CRB1: variants seen among roughly 807,000 people sequenced by gnomAD.
The protein encoded by CRB1 is crumbs cell polarity complex component 1.
In CRB1, 83 loss-of-function variants were observed where a neutral mutation model predicts 120.0. The observed-to-expected ratio is 0.69, with a 90% CI of 0.58 to 0.83. CRB1 has a LOEUF of 0.83. CRB1 is among the 40% of genes least tolerant of loss of function. The pLI is 0.00. For synonymous variants in CRB1, 625 were observed against 612.5 expected, an observed-to-expected ratio of 1.02 and a Z score of -0.30; for missense variants, 1,699 against 1,687.6, an observed-to-expected ratio of 1.01 and a Z score of -0.12.
At chr1:197,311,697 TAGTGTGTG>T (rs1657530523) in intron 1 of CRB1, among the ~76,000 whole-genome samples, 1 of 96,484 alleles carries the variant, frequency 1.0e-5, no homozygotes, top group Admixed American at 1.2e-4. Flanking sequence ...CTCATATAGT[TAGTGTGTG>T]TGTGTGTGTG....
chr1:197,371,715 T>G (rs894131930), intron 5 of CRB1, among the ~76,000 whole-genome samples: 19 of 152,144 alleles, frequency 1.2e-4, no homozygotes, highest in Non-Finnish European at 2.4e-4. Flanking sequence ...CCCACAGGGT[T>G]GGTACTACAT....
At chr1:197,446,890 A>G (rs1423209373) in intron 11 of CRB1, among the ~76,000 whole-genome samples, 2 of 152,208 alleles carry the variant, frequency 1.3e-5, no homozygotes, top group Non-Finnish European at 2.9e-5. Context: ...GTTATTAATC[A>G]GTGTGCATAT....
chr1:197,393,729 C>A (rs1316148255), intron 5 of CRB1, among the ~76,000 whole-genome samples: 2 of 152,112 alleles, frequency 1.3e-5, no homozygotes, highest in Admixed American at 6.6e-5. Flanking sequence ...TCATAGCCCA[C>A]TATAACCTCT....
the CRB1 span, among the ~76,000 whole-genome samples, chr1:197,214,404 CCTT>C: frequency 2.0e-5 from 3 of 152,112 alleles, no homozygotes; most frequent in African/African-American, 4.8e-5. Flanking sequence ...AGATGCAAAA[CCTT>C]CTTATATGAA....
At chr1:197,367,402 T>C (rs1485861664) in intron 5 of CRB1, among the ~76,000 whole-genome samples, 1 of 152,214 alleles carries the variant, frequency 6.6e-6, no homozygotes, top group African/African-American at 2.4e-5. Flanking sequence ...GAGGAACTTT[T>C]GTGCTGTTTA....
intron 5 of CRB1, among the ~76,000 whole-genome samples, chr1:197,384,187 C>T (rs1283042099): frequency 6.6e-6 from 1 of 152,160 alleles, no homozygotes; most frequent in Non-Finnish European, 1.5e-5. Context: ...TAAGGTATCA[C>T]CATTCTCATC....
upstream of CRB1, chr1:197,268,234 A>T: frequency 1.6e-6 from 1 of 615,588 alleles, no homozygotes; most frequent in Non-Finnish European, 3.0e-6. Context: ...AAGAAGCACA[A>T]ACTGCATTTT....
At chr1:197,246,464 T>C in the CRB1 span, among the ~76,000 whole-genome samples, 4 of 151,986 alleles carry the variant, frequency 2.6e-5, no homozygotes, top group African/African-American at 9.7e-5. Flanking sequence ...CCAAGGAGCT[T>C]ACCACCATGT....
At chr1:197,462,238 A>G (rs1176488784) in intron 11 of CRB1, among the ~76,000 whole-genome samples, 1 of 152,164 alleles carries the variant, frequency 6.6e-6, no homozygotes, top group Non-Finnish European at 1.5e-5. Flanking sequence ...GGATGACTGT[A>G]TTACCATCCT....
At chr1:197,307,342 A>G (rs1186604397) in intron 1 of CRB1, among the ~76,000 whole-genome samples, 1 of 152,200 alleles carries the variant, frequency 6.6e-6, no homozygotes, top group African/African-American at 2.4e-5. Context: ...GCTTGTTTGG[A>G]CAGGATTAAA....
In CRB1 at chr1:197,461,677, G is replaced by T. The variant is rs561543046; in HGVS notation, c.4006-15987G>T. Among the ~76,000 whole-genome samples the T allele has an allele frequency of 2.6e-5, 4 of 152,224 alleles. No individual in the cohort carries two copies. The East Asian group carries it at 7.7e-4, about 29-fold the overall frequency. On this transcript the variant is annotated intron_variant, in intron 11 of 11. Coordinates refer to ENST00000367400, the MANE Select transcript of CRB1 (RefSeq NM_201253.3). ...ATTGATCAGACATTGCAATTCACAA[G>T]CTCCTATTACATTCTCTTGGTTAAA... is the stretch of plus-strand genomic sequence containing the variant.
chr1:197,427,716 T>C lies in CRB1; in HGVS notation c.2391T>C (p.Ser797=), dbSNP rs749788926. The change falls in exon 7 of 12, where the codon TCT becomes TCC. Residue 797 remains serine (S), a synonymous_variant. Coordinates refer to ENST00000367400, the MANE Select transcript of CRB1 (RefSeq NM_201253.3). ...ATGATGGAAATGTCCACTTGATATCTTTGAAAATCAAGCCATATAAAATTG... is the reference window on the plus strand; with the variant it reads ...ATGATGGAAATGTCCACTTGATATCCTTGAAAATCAAGCCATATAAAATTG... ...VLNDGNVHLI[S]LKIKPYKIEL... is the part of the protein sequence containing the mutation. 3 of 1,613,806 alleles carry C rather than the reference T, an allele frequency of 1.9e-6. No individual in the cohort carries two copies. In the African/African-American group the frequency reaches 4.0e-5, roughly 22 times the overall value.
Position 197,294,763 on chromosome 1 carries a change from G to T in CRB1, c.70+26281G>T, listed in dbSNP as rs200363073. Among the ~76,000 whole-genome samples the T allele has an allele frequency of 3.3e-5, 5 of 152,260 alleles. No individual in the cohort carries two copies. In the East Asian group the frequency reaches 7.7e-4, roughly 24 times the overall value. ...GAATTCATGTCCTTTGTAGGGACAT[G>T]GATGAAGCTGGAAACTATCATTCTC... On this transcript the variant is annotated intron_variant, in intron 1 of 11. Transcript: ENST00000367400.
At chr1:197,389,778 C>A (rs1053542295) in intron 5 of CRB1, among the ~76,000 whole-genome samples, 2 of 152,024 alleles carry the variant, frequency 1.3e-5, no homozygotes, top group Non-Finnish European at 1.5e-5. Context: ...TCTCAGAGGT[C>A]TAGGTGGCAT....
intron 4 of CRB1, among the ~76,000 whole-genome samples, chr1:197,350,450 G>T (rs1487908002): frequency 1.3e-5 from 2 of 152,234 alleles, no homozygotes; most frequent in African/African-American, 2.4e-5. Flanking sequence ...GAGGGCGAGA[G>T]TTTGTAATGG....
At chr1:197,231,428 A>G in the CRB1 span, among the ~76,000 whole-genome samples, 1 of 152,134 alleles carries the variant, frequency 6.6e-6, no homozygotes, top group Admixed American at 6.5e-5. Context: ...TAGACATGAA[A>G]CTGGATTCTG....
At chr1:197,222,986 G>A in the CRB1 span, 3 of 805,574 alleles carry the variant, frequency 3.7e-6, no homozygotes, top group South Asian at 1.3e-5. Context: ...TGGGAATGCA[G>A]TGGTAGAGTT....
At chr1:197,251,622 T>A in the CRB1 span, among the ~76,000 whole-genome samples, 2 of 152,178 alleles carry the variant, frequency 1.3e-5, no homozygotes, top group East Asian at 3.9e-4. Flanking sequence ...AGAATGGGAA[T>A]TGCATATTGA....
chr1:197,288,247 TA>T (rs1655950177), intron 1 of CRB1, among the ~76,000 whole-genome samples: 1 of 151,766 alleles, frequency 6.6e-6, no homozygotes, highest in African/African-American at 2.4e-5. Flanking sequence ...TTAGAGATAA[TA>T]ATGCCCAGCA....
Sources: gnomAD v4.1 joint callset for allele counts (sites outside exome capture counted in the v4.1 genomes callset) on GRCh38, gnomAD v4.1.1 for gene constraint, MANE v1.5 for transcripts, NCBI Gene and HGNC (gene_info 2026-07-23, HGNC 2026-07-21) for gene names.